SNX14: variants seen among roughly 807,000 people sequenced by gnomAD.
SNX14 encodes sorting nexin-14.
In SNX14, 93 loss-of-function variants were observed where a neutral mutation model predicts 133.8. That is an observed-to-expected ratio of 0.70 (90% CI 0.59 to 0.83). The LOEUF is 0.83. SNX14 is among the 40% of genes least tolerant of loss of function. The pLI, the probability that SNX14 is intolerant of heterozygous loss-of-function variation, is 0.00. For missense variants in SNX14, 945 were observed against 1,094.9 expected, an observed-to-expected ratio of 0.86 and a Z score of 1.93; for synonymous variants, 368 against 365.6, an observed-to-expected ratio of 1.01 and a Z score of -0.07.
rs1562381136 is a variant in SNX14, at chr6:85,574,344, C to T, written c.175G>A (p.Val59Ile). 1 of 1,572,258 alleles carries T rather than the reference C, an allele frequency of 6.4e-7. No homozygotes were observed. The highest frequency in any genetic ancestry group is 8.7e-7 in the Non-Finnish European group (1 of 1,144,702). The part of the protein sequence containing the change: ...IHILMIFWSF[V>I]AGVVTFYCSL... ...CAGTAGAATGTGACAACTCCAGCAA[C>T]AAATGACCAGAAGATCATTAAAATA... The change falls in exon 2 of 29, where the codon GTT becomes ATT. Residue 59 changes from valine to isoleucine, a missense_variant. Physicochemically the swap from Val to Ile is conservative, Grantham distance 29 (BLOSUM62 3). Around this residue, in one of 3 missense-constraint regions of SNX14, gnomAD observed 514 missense variants for 538.8 expected, o/e 0.95. Coordinates refer to ENST00000314673, the MANE Select transcript of SNX14 (RefSeq NM_153816.6).
intron 23 of SNX14, among the ~76,000 whole-genome samples, chr6:85,516,485 A>AT (rs1222853033): frequency 8.5e-5 from 13 of 152,178 alleles, no homozygotes; most frequent in Non-Finnish European, 1.6e-4. Flanking sequence ...AGATGACTTT[A>AT]CCAACTCTAT....
chr6:85,572,340 T>A lies in SNX14; in HGVS notation c.296A>T (p.His99Leu). ...CACTTTACCACAAACAGCACAGCTA[T>A]GACCTTGAGGAAATAATTCCTGAAG... ...LGLQELFPQGHSCAVCGKVKC... is the reference protein window; with the variant it reads ...LGLQELFPQGLSCAVCGKVKC... Residue 99 changes from histidine (H) to leucine (L), a missense_variant, in exon 3 of 29, where the codon CAT becomes CTT. This residue lies in a region of SNX14 where 514 missense variants were observed against 538.8 expected (regional missense o/e 0.95). Coordinates refer to ENST00000314673, the MANE Select transcript of SNX14 (RefSeq NM_153816.6). The A allele has an allele frequency of 6.2e-7, 1 of 1,613,638 alleles. No homozygotes were observed. Among genetic ancestry groups the A allele is most frequent in the Non-Finnish European group, 8.5e-7 (1 of 1,179,832 alleles).
At chr6:85,525,564 T>A (rs1438192172) in intron 21 of SNX14, among the ~76,000 whole-genome samples, 6 of 152,176 alleles carry the variant, frequency 3.9e-5, no homozygotes, top group Non-Finnish European at 8.8e-5. Context: ...AATGACAGAT[T>A]AATTCAAGTT....
intron 14 of SNX14, among the ~76,000 whole-genome samples, chr6:85,542,263 C>T (rs1783989472): frequency 6.6e-6 from 1 of 152,200 alleles, no homozygotes; most frequent in Non-Finnish European, 1.5e-5. Context: ...TTCTGCGTCA[C>T]TGCAGTACTA....
chr6:85,512,316 A>G (rs1234867261), intron 26 of SNX14, among the ~76,000 whole-genome samples: 2 of 152,070 alleles, frequency 1.3e-5, no homozygotes, highest in Non-Finnish European at 2.9e-5. Context: ...CCTGGAGGTA[A>G]AACTCACAAA....
intron 28 of SNX14, 60 bp from the exon 29 acceptor site, chr6:85,506,065 C>G (rs972483657): frequency 1.8e-5 from 19 of 1,075,804 alleles, no homozygotes; most frequent in Non-Finnish European, 2.7e-5. Flanking sequence ...TGTAAATTGC[C>G]TAACAGCTCT....
chr6:85,514,321 T>C (rs1167959947), intron 24 of SNX14, 87 bp from the exon 25 acceptor site: 4 of 1,511,414 alleles, frequency 2.6e-6, no homozygotes, highest in Non-Finnish European at 3.6e-6. Flanking sequence ...CAAATGACCA[T>C]GGTCAATATT....
intron 4 of SNX14, among the ~76,000 whole-genome samples, chr6:85,570,517 A>C (rs1795195015): frequency 6.6e-6 from 1 of 152,200 alleles, no homozygotes; most frequent in South Asian, 2.1e-4. Context: ...ATTTAACCCA[A>C]CACATCCAAA....
intron 21 of SNX14, among the ~76,000 whole-genome samples, chr6:85,523,760 C>T (rs924989952): frequency 6.7e-6 from 1 of 149,686 alleles, no homozygotes; most frequent in Non-Finnish European, 1.5e-5. Context: ...GAGACTCCAT[C>T]TCCAAAAAAA....
chr6:85,543,792 A>G (rs1403649770), intron 12 of SNX14, 32 bp from the exon 13 acceptor site: 1 of 1,309,556 alleles, frequency 7.6e-7, no homozygotes, highest in Admixed American at 2.8e-5. Context: ...AAGAAAAAAT[A>G]ATTTTAATAT....
At chr6:85,524,866 A>G (rs1778075426) in intron 21 of SNX14, among the ~76,000 whole-genome samples, 1 of 151,976 alleles carries the variant, frequency 6.6e-6, no homozygotes, top group African/African-American at 2.4e-5. Flanking sequence ...AACAGAATGG[A>G]GGCATGCCAG....
intron 1 of SNX14, among the ~76,000 whole-genome samples, chr6:85,587,475 A>T (rs1040588241): frequency 2.6e-5 from 4 of 152,144 alleles, no homozygotes; most frequent in East Asian, 3.9e-4. Context: ...CTTTTAAAAA[A>T]TTTTTTTGAG....
intron 7 of SNX14, among the ~76,000 whole-genome samples, chr6:85,555,393 T>G (rs1023312982): frequency 1.3e-5 from 2 of 152,146 alleles, no homozygotes; most frequent in African/African-American, 2.4e-5. Flanking sequence ...GGAAAATAAC[T>G]GAGTAGTAAA....
intron 4 of SNX14, chr6:85,567,872 A>C (rs533761694): frequency 5.1e-6 from 1 of 195,568 alleles, no homozygotes; most frequent in Admixed American, 6.3e-5. Flanking sequence ...ATTCCCAGCT[A>C]TTTGGGGGGC....
At chr6:85,526,391 GAT>G (rs1778486597) in intron 20 of SNX14, among the ~76,000 whole-genome samples, 154 bp from the exon 21 acceptor site, 1 of 152,156 alleles carries the variant, frequency 6.6e-6, no homozygotes. Context: ...AAGAATATAG[GAT>G]AGTAGGTAAG....
chr6:85,519,698 G>A (rs973873743), intron 21 of SNX14, among the ~76,000 whole-genome samples: 2 of 152,114 alleles, frequency 1.3e-5, no homozygotes, highest in African/African-American at 4.8e-5. Flanking sequence ...GTGAAACCCC[G>A]TCTCTTCTAA....
chr6:85,513,567 G>T (rs1271371386), intron 26 of SNX14, among the ~76,000 whole-genome samples: 1 of 152,186 alleles, frequency 6.6e-6, no homozygotes, highest in Non-Finnish European at 1.5e-5. Context: ...ATTTTTGAAT[G>T]AATCTGGCTA....
intron 18 of SNX14, 118 bp from the exon 19 acceptor site, chr6:85,530,393 C>T (rs1035611279): frequency 3.4e-6 from 2 of 590,130 alleles, no homozygotes; most frequent in Non-Finnish European, 5.4e-6. Context: ...GCCTATAATC[C>T]CAGCACTTTG....
intron 8 of SNX14, among the ~76,000 whole-genome samples, chr6:85,549,070 T>C (rs1786845776): frequency 6.6e-6 from 1 of 151,862 alleles, no homozygotes; most frequent in Non-Finnish European, 1.5e-5. Flanking sequence ...AATTACCTTA[T>C]AATCATATTT....
Sources: gnomAD v4.1 joint callset for allele counts (sites outside exome capture counted in the v4.1 genomes callset) on GRCh38, gnomAD v4.1.1 for gene constraint, gnomAD v4.1.1 regional missense constraint, MANE v1.5 for transcripts, NCBI Gene and HGNC (gene_info 2026-07-23, HGNC 2026-07-21) for gene names.